The following STRN variants were observed in gnomAD, a reference collection of about 807,000 sequenced individuals.
The protein encoded by STRN is striatin.
A neutral mutation model predicts 96.3 loss-of-function variants in STRN; 53 were observed. The ratio of observed to expected loss-of-function variants is 0.55; its 90% CI spans 0.44 to 0.69. The LOEUF (loss-of-function observed/expected upper bound fraction) is 0.69, where lower values mean the gene tolerates loss of function less well. Among genes scored for constraint, STRN ranks in the 30% least tolerant of loss-of-function variants. The pLI is 0.00. For missense variants in STRN, 987 were observed against 963.9 expected, an observed-to-expected ratio of 1.02 and a Z score of -0.32; for synonymous variants, 428 against 355.9, an observed-to-expected ratio of 1.20 and a Z score of -2.28.
At chr2:36,854,390 C>T (rs1668293345) in intron 15 of STRN, among the ~76,000 whole-genome samples, 2 of 152,146 alleles carry the variant, frequency 1.3e-5, no homozygotes, top group Admixed American at 1.3e-4. Flanking sequence ...ATGCTTACTT[C>T]CCCAAACAAG....
chr2:36,862,278 T>A (rs761855290), intron 12 of STRN, among the ~76,000 whole-genome samples: 14 of 152,214 alleles, frequency 9.2e-5, no homozygotes, highest in Non-Finnish European at 2.1e-4. Context: ...ATATACCTAA[T>A]AATGCTAGGT....
chr2:36,868,215 T>C (rs1668677478), intron 11 of STRN, among the ~76,000 whole-genome samples: 1 of 151,866 alleles, frequency 6.6e-6, no homozygotes, highest in African/African-American at 2.4e-5. Flanking sequence ...AATTATTTAA[T>C]CTTTCTGAAC....
chr2:36,885,471 A>C (rs1008525033), intron 8 of STRN, among the ~76,000 whole-genome samples: 2 of 152,126 alleles, frequency 1.3e-5, no homozygotes, highest in Non-Finnish European at 1.5e-5. Flanking sequence ...ATTGTCTATC[A>C]GTAAGTATAT....
chr2:36,878,758 T>A (rs79600254), intron 9 of STRN, among the ~76,000 whole-genome samples: 17 of 152,266 alleles, frequency 1.1e-4, no homozygotes, highest in African/African-American at 3.6e-4. Flanking sequence ...TCTTTTTTTT[T>A]ATGTTTTTTT....
intron 1 of STRN, among the ~76,000 whole-genome samples, chr2:36,958,147 G>A (rs546609116): frequency 3.3e-5 from 5 of 151,634 alleles, no homozygotes; most frequent in South Asian, 2.1e-4. Context: ...CTTGAACTCC[G>A]GACCTCAGGT....
At chr2:36,920,730 A>T (rs1209188814) in intron 2 of STRN, among the ~76,000 whole-genome samples, 1 of 151,798 alleles carries the variant, frequency 6.6e-6, no homozygotes, top group Non-Finnish European at 1.5e-5. Context: ...TCTTCCCTAG[A>T]TTCAGCCAGT....
At position 36,847,368 on chromosome 2, in the gene STRN, C is replaced by A. The variant is rs1233006139; in HGVS notation, c.*2088G>T. 2 of 152,052 alleles carry A rather than the reference C, an allele frequency of 1.3e-5. No homozygotes were observed. The highest frequency in any genetic ancestry group is 2.9e-5 in the Non-Finnish European group (2 of 67,980). The allele number at this position is 152,052 out of a possible 1,614,324, so 9.4% of individuals were successfully genotyped here. On this transcript the variant is annotated 3_prime_UTR_variant, in exon 18 of 18. Coordinates refer to ENST00000263918, the MANE Select transcript of STRN (RefSeq NM_003162.4). ...TTTGTGGTCATCCATCATAAATACA[C>A]CAAGTAATGGCATCTTCCTTCCTTC...
chr2:36,957,746 T>TTTTTG (rs1558669967), intron 1 of STRN, among the ~76,000 whole-genome samples: 1 of 70,628 alleles, frequency 1.4e-5, no homozygotes, highest in Admixed American at 1.1e-4. Flanking sequence ...CTTTTTGTCT[T>TTTTTG]TTTTTTTTTT....
At chr2:36,856,539 T>C (rs549489651) in intron 14 of STRN, among the ~76,000 whole-genome samples, 5 of 152,242 alleles carry the variant, frequency 3.3e-5, no homozygotes, top group Admixed American at 2.6e-4. Flanking sequence ...AAAGAACACA[T>C]ACTTTACTAT....
At chr2:36,901,307 C>T (rs903287315) in intron 5 of STRN, among the ~76,000 whole-genome samples, 1 of 152,122 alleles carries the variant, frequency 6.6e-6, no homozygotes, top group African/African-American at 2.4e-5. Context: ...AATCCCAGTA[C>T]TTCAGGAGGC....
chr2:36,905,695 A>G, intron 3 of STRN, 77 bp from the exon 4 acceptor site: 1 of 1,182,000 alleles, frequency 8.5e-7, no homozygotes, highest in Non-Finnish European at 1.3e-6. Context: ...ATAACGTCCA[A>G]TAAACATTTA....
At chr2:36,916,480 T>G (rs1308901857) in intron 2 of STRN, among the ~76,000 whole-genome samples, 1 of 151,560 alleles carries the variant, frequency 6.6e-6, no homozygotes, top group Non-Finnish European at 1.5e-5. Flanking sequence ...AGCTAAATTT[T>G]ACTATCAAAA....
At chr2:36,871,400 T>C (rs1668759494) in intron 10 of STRN, among the ~76,000 whole-genome samples, 1 of 152,204 alleles carries the variant, frequency 6.6e-6, no homozygotes, top group African/African-American at 2.4e-5. Context: ...GTTTAGATAC[T>C]TACCATTGTG....
At chr2:36,896,977 G>A (rs1372239508) in intron 6 of STRN, among the ~76,000 whole-genome samples, 1 of 152,114 alleles carries the variant, frequency 6.6e-6, no homozygotes, top group African/African-American at 2.4e-5. Context: ...AGACCAGCCT[G>A]ACCAACATGG....
intron 2 of STRN, 117 bp from the exon 3 acceptor site, chr2:36,916,268 G>C: frequency 1.2e-6 from 1 of 820,806 alleles, no homozygotes; most frequent in South Asian, 1.7e-5. Flanking sequence ...AACTTTCAAA[G>C]GCTCATAGCT....
intron 1 of STRN, 42 bp downstream of exon 1, chr2:36,966,188 A>T (rs1448038613): frequency 6.7e-7 from 1 of 1,496,796 alleles, no homozygotes; most frequent in Non-Finnish European, 8.9e-7. Context: ...GGAAGGGAGC[A>T]AAGAGGCGGG....
intron 7 of STRN, among the ~76,000 whole-genome samples, chr2:36,892,924 GC>G (rs1031265674): frequency 6.6e-6 from 1 of 152,130 alleles, no homozygotes; most frequent in African/African-American, 2.4e-5. Flanking sequence ...GGAGGCTGAG[GC>G]ATGAGAATTG....
At position 36,847,259 on chromosome 2, in the gene STRN, T is replaced by C. The variant is rs931402554; in HGVS notation, c.*2197A>G. 2.0e-5 allele frequency: 3 copies of C among 152,162 alleles called. No individual in the cohort carries two copies. The East Asian group carries it at 5.8e-4, about 29-fold the overall frequency. The allele number at this position is 152,162 out of a possible 1,614,324, so 9.4% of individuals were successfully genotyped here. A position where few individuals can be genotyped will look rare whatever the true frequency, so the allele number is the denominator to read the frequency against. The stretch of plus-strand genomic sequence containing the variant: ...GCATAAAATGAACGGGGGAAGAATG[T>C]CCTGGTTTTTAGAATTTCAGTGACA... On this transcript the variant is annotated 3_prime_UTR_variant, in exon 18 of 18. Transcript: ENST00000263918.
intron 12 of STRN, among the ~76,000 whole-genome samples, chr2:36,865,888 G>A (rs1332649647): frequency 1.3e-5 from 2 of 152,006 alleles, no homozygotes; most frequent in Non-Finnish European, 2.9e-5. Context: ...TGGGTGTTTA[G>A]CACCATAAAT....
Sources: gnomAD v4.1 joint callset for allele counts (sites outside exome capture counted in the v4.1 genomes callset) on GRCh38, gnomAD v4.1.1 for gene constraint, MANE v1.5 for transcripts, NCBI Gene and HGNC (gene_info 2026-07-23, HGNC 2026-07-21) for gene names.